ME1: variants seen among roughly 807,000 people sequenced by gnomAD.
ME1 encodes malic enzyme 1.
A neutral mutation model predicts 66.4 loss-of-function variants in ME1; 74 were observed. The ratio of observed to expected loss-of-function variants is 1.11; its 90% CI spans 0.92 to 1.35. ME1 has a LOEUF of 1.35. ME1 is among the 40% of genes most tolerant of loss of function. ME1 has a pLI of 0.00. For missense variants in ME1, 750 were observed against 694.1 expected (o/e 1.08, Z -0.90); for synonymous variants, 251 against 235.6 (o/e 1.07, Z -0.60).
chr6:83,374,224 T>C (rs1263297233), intron 3 of ME1, among the ~76,000 whole-genome samples: 1 of 152,238 alleles, frequency 6.6e-6, no homozygotes, highest in Non-Finnish European at 1.5e-5. Context: ...ACGAACAATG[T>C]AAAAGCATTC....
intron 3 of ME1, among the ~76,000 whole-genome samples, chr6:83,365,393 C>G (rs994599133): frequency 6.6e-6 from 1 of 152,168 alleles, no homozygotes; most frequent in Non-Finnish European, 1.5e-5. Flanking sequence ...TGTGCCTGGC[C>G]CTATGTGGGT....
intron 7 of ME1, among the ~76,000 whole-genome samples, chr6:83,245,132 G>A (rs918937514): frequency 5.3e-5 from 8 of 152,022 alleles, no homozygotes; most frequent in Admixed American, 5.2e-4. Context: ...AAGGAAGAAT[G>A]GGGTGAGGAT....
chr6:83,306,341 A>G (rs902677082), intron 6 of ME1, among the ~76,000 whole-genome samples: 38 of 151,992 alleles, frequency 2.5e-4, no homozygotes, highest in African/African-American at 8.7e-4. Flanking sequence ...TGAAATCATA[A>G]TGATTATCTT....
chr6:83,404,535 G>T (rs1769900138), intron 2 of ME1, among the ~76,000 whole-genome samples: 1 of 152,110 alleles, frequency 6.6e-6, no homozygotes, highest in Non-Finnish European at 1.5e-5. Flanking sequence ...GTGAATTTTG[G>T]CTTTTGTTGC....
chr6:83,426,352 C>T (rs1430011859), intron 1 of ME1, among the ~76,000 whole-genome samples: 1 of 152,202 alleles, frequency 6.6e-6, no homozygotes, highest in East Asian at 1.9e-4. Flanking sequence ...TTACAGCACA[C>T]ATTTTGTTAT....
At chr6:83,340,389 T>C (rs566076073) in intron 5 of ME1, among the ~76,000 whole-genome samples, 3 of 152,204 alleles carry the variant, frequency 2.0e-5, no homozygotes, top group Admixed American at 6.5e-5. Context: ...AGCTAATGGT[T>C]TGAATAGATT....
intron 9 of ME1, among the ~76,000 whole-genome samples, chr6:83,230,918 G>A (rs1023506293): frequency 6.6e-6 from 1 of 151,976 alleles, no homozygotes; most frequent in South Asian, 2.1e-4. Context: ...GGGCGACAGC[G>A]AGACTCTGTC....
chr6:83,316,629 T>A (rs1415688618), intron 5 of ME1, among the ~76,000 whole-genome samples: 2 of 151,782 alleles, frequency 1.3e-5, no homozygotes, highest in Admixed American at 6.6e-5. Flanking sequence ...GAAGCAAAAC[T>A]TTTTTATTTG....
At chr6:83,422,220 C>G (rs1770282181) in intron 1 of ME1, among the ~76,000 whole-genome samples, 1 of 152,076 alleles carries the variant, frequency 6.6e-6, no homozygotes, top group African/African-American at 2.4e-5. Flanking sequence ...TGCACAGATC[C>G]CACACTATCC....
At chr6:83,362,770 T>A (rs759063655) in intron 3 of ME1, among the ~76,000 whole-genome samples, 5 of 152,234 alleles carry the variant, frequency 3.3e-5, no homozygotes, top group Non-Finnish European at 7.3e-5. Context: ...ATGCAATGCT[T>A]CTGCCAAGAC....
chr6:83,294,104 G>T (rs894627696), intron 6 of ME1, among the ~76,000 whole-genome samples: 1 of 152,074 alleles, frequency 6.6e-6, no homozygotes. Flanking sequence ...TATGGGACAT[G>T]GATGAAGCTA....
At chr6:83,215,423 C>T (rs913492155) in intron 13 of ME1, among the ~76,000 whole-genome samples, 1 of 152,144 alleles carries the variant, frequency 6.6e-6, no homozygotes. Flanking sequence ...ATGTCCACAA[C>T]GCTGAAGTAG....
At chr6:83,255,335 T>C (rs1766746527) in intron 6 of ME1, among the ~76,000 whole-genome samples, 1 of 151,984 alleles carries the variant, frequency 6.6e-6, no homozygotes, top group South Asian at 2.1e-4. Flanking sequence ...ATATTGCAAA[T>C]GGCTTTTCTA....
intron 6 of ME1, among the ~76,000 whole-genome samples, chr6:83,293,312 T>G (rs1767537566): frequency 6.6e-6 from 1 of 152,160 alleles, no homozygotes; most frequent in Non-Finnish European, 1.5e-5. Flanking sequence ...AAATGTACAG[T>G]TCAGAAATGT....
chr6:83,238,799 A>ATATATATATATATATATATATATATAT (rs1554263094), intron 8 of ME1, among the ~76,000 whole-genome samples: 17 of 139,274 alleles, frequency 1.2e-4, no homozygotes, highest in Admixed American at 2.2e-4. Context: ...TTTCTTGAAA[A>ATATATATATATATATATATATATATAT]ATATATATAT....
chr6:83,282,115 C>T (rs917875200), intron 6 of ME1, among the ~76,000 whole-genome samples: 2 of 151,674 alleles, frequency 1.3e-5, no homozygotes, highest in East Asian at 1.9e-4. Context: ...TCAAGGCAGA[C>T]AAATAAAGAA....
chr6:83,286,502 T>C (rs553340356), intron 6 of ME1, among the ~76,000 whole-genome samples: 29 of 152,306 alleles, frequency 1.9e-4, no homozygotes, highest in Non-Finnish European at 3.4e-4. Flanking sequence ...TTTGAATACA[T>C]ATCAAGTATT....
intron 1 of ME1, among the ~76,000 whole-genome samples, chr6:83,411,394 G>T (rs1770046654): frequency 6.6e-6 from 1 of 151,704 alleles, no homozygotes; most frequent in Non-Finnish European, 1.5e-5. Context: ...TCCCATGACT[G>T]GGTTTACATT....
At chr6:83,322,322 G>A (rs1768195799) in intron 5 of ME1, among the ~76,000 whole-genome samples, 1 of 152,178 alleles carries the variant, frequency 6.6e-6, no homozygotes, top group Non-Finnish European at 1.5e-5. Flanking sequence ...ATTGACAAAA[G>A]TAGGCTTCAG....
Sources: allele counts gnomAD v4.1 joint callset (sites outside exome capture counted in the v4.1 genomes callset), GRCh38; gene constraint gnomAD v4.1.1; transcripts MANE v1.5; gene names NCBI Gene and HGNC (gene_info 2026-07-23, HGNC 2026-07-21).